Variants in RPS6KA2 observed in about 807,000 individuals in gnomAD.
RPS6KA2 encodes the protein ribosomal protein S6 kinase alpha-2.
In RPS6KA2, 42 loss-of-function variants were observed where a neutral mutation model predicts 91.8. The observed-to-expected ratio is 0.46, with a 90% CI of 0.36 to 0.59. The LOEUF is 0.59. RPS6KA2 is among the 20% of genes least tolerant of loss of function. RPS6KA2 has a pLI of 0.00. For synonymous variants in RPS6KA2, 414 were observed against 393.6 expected, an observed-to-expected ratio of 1.05 and a Z score of -0.61; for missense variants, 798 against 978.5, an observed-to-expected ratio of 0.82 and a Z score of 2.46.
At chr6:166,721,066 CA>C (rs939162175) in intron 2 of RPS6KA2, among the ~76,000 whole-genome samples, 2 of 152,224 alleles carry the variant, frequency 1.3e-5, no homozygotes, top group African/African-American at 4.8e-5. Context: ...TTCACACAAG[CA>C]AGTGCTCCAT....
chr6:166,568,955 C>CT (rs144495496), intron 1 of RPS6KA2, among the ~76,000 whole-genome samples: 4,949 of 152,146 alleles, frequency 0.033, 276 homozygotes, highest in African/African-American at 0.11. Context: ...TGAACAAGTA[C>CT]TTTTTTTTCC....
intron 2 of RPS6KA2, among the ~76,000 whole-genome samples, chr6:166,832,894 T>C (rs1780222787): frequency 6.6e-6 from 1 of 152,234 alleles, no homozygotes; most frequent in Non-Finnish European, 1.5e-5. Context: ...AAAGAGCAAA[T>C]TTTAATTATA....
chr6:166,680,449 C>T (rs543001333), intron 2 of RPS6KA2, among the ~76,000 whole-genome samples: 13 of 152,306 alleles, frequency 8.5e-5, no homozygotes, highest in East Asian at 3.9e-4. Flanking sequence ...CTCTGGTCCC[C>T]TTCCACGTTG....
rs552443291 is a variant in RPS6KA2, at chr6:166,635,194, T to G, written c.124-96410A>C. 6.6e-6 allele frequency among the ~76,000 whole-genome samples: 1 copy of G among 152,318 alleles called. No individual in the cohort carries two copies. Among genetic ancestry groups the G allele is most frequent in the South Asian group, 2.1e-4 (1 of 4,826 alleles). The stretch of plus-strand genomic sequence containing the variant: ...CCACGTACACCTTGGCATGAATGAG[T>G]TAGAGAACCACGGCAGGAGCCCAGT... On this transcript the variant is annotated intron_variant, in intron 2 of 21. Transcript: ENST00000503859. The surrounding 1 kb of genome is among the most constrained non-coding windows in gnomAD (Gnocchi z 4.8).
intron 2 of RPS6KA2, among the ~76,000 whole-genome samples, chr6:166,791,190 CA>C (rs933020915): frequency 4.0e-5 from 6 of 148,874 alleles, no homozygotes; most frequent in Admixed American, 2.0e-4. Context: ...AAATGGAAAA[CA>C]AAAAAAAAGC....
intron 5 of RPS6KA2, among the ~76,000 whole-genome samples, chr6:166,507,320 C>T (rs1782266305): frequency 6.6e-6 from 1 of 151,918 alleles, no homozygotes; most frequent in Non-Finnish European, 1.5e-5. Flanking sequence ...GCTAGGGCCA[C>T]TTGTGCAGCT....
intron 17 of RPS6KA2, among the ~76,000 whole-genome samples, chr6:166,422,791 C>T (rs561869506): frequency 1.3e-5 from 2 of 152,254 alleles, no homozygotes; most frequent in South Asian, 4.1e-4. Flanking sequence ...CTGACAGCTG[C>T]TGACTTGCTG....
At chr6:166,815,681 T>A (rs1353814769) in intron 2 of RPS6KA2, among the ~76,000 whole-genome samples, 11 of 152,118 alleles carry the variant, frequency 7.2e-5, no homozygotes, top group African/African-American at 2.2e-4. Context: ...CAGGAAATAA[T>A]GTGGCCCTGA....
At chr6:166,799,617 G>A (rs1779312209) in intron 2 of RPS6KA2, among the ~76,000 whole-genome samples, 1 of 95,950 alleles carries the variant, frequency 1.0e-5, no homozygotes, top group African/African-American at 3.4e-5. Context: ...AAAAGGATGA[G>A]AGTGGTGTGA....
rs139581278 is a variant in RPS6KA2, at chr6:166,666,680, G to T, written c.124-127896C>A. Among the ~76,000 whole-genome samples, 2 of 152,188 alleles carry T rather than the reference G, an allele frequency of 1.3e-5. No homozygotes were observed. Among genetic ancestry groups the T allele is most frequent in the Admixed American group, 1.3e-4 (2 of 15,276 alleles). On this transcript the variant is annotated intron_variant, in intron 2 of 21. Coordinates refer to the RPS6KA2 transcript ENST00000503859. This position sits in a 1 kb window ranked among gnomAD's most constrained non-coding sequence, Gnocchi z 4.0. ...TTTACTGTTGGTGGAAATGTAAAAC[G>T]GTGCAGGAGCTCTGGAAAACAGTAT...
At chr6:166,792,744 T>C (rs146181469) in intron 2 of RPS6KA2, among the ~76,000 whole-genome samples, 1 of 152,094 alleles carries the variant, frequency 6.6e-6, no homozygotes, top group Non-Finnish European at 1.5e-5. Context: ...ACAGAACCAA[T>C]GACAAAAACC....
intron 1 of RPS6KA2, among the ~76,000 whole-genome samples, chr6:166,565,333 T>C (rs561811618): frequency 1.3e-5 from 2 of 152,364 alleles, no homozygotes; most frequent in African/African-American, 4.8e-5. Flanking sequence ...CCTGAGCTTG[T>C]TCTTCTGCGG....
intron 1 of RPS6KA2, among the ~76,000 whole-genome samples, chr6:166,571,944 G>A (rs950937815): frequency 6.6e-6 from 1 of 152,068 alleles, no homozygotes; most frequent in African/African-American, 2.4e-5. Flanking sequence ...TTATAGTGAA[G>A]AACAGTGGGG....
chr6:166,412,754 C>G lies in RPS6KA2; in HGVS notation c.*8G>C. 1 of 1,590,268 alleles carries G rather than the reference C, an allele frequency of 6.3e-7. No individual in the cohort carries two copies. The highest frequency in any genetic ancestry group is 8.5e-7 in the Non-Finnish European group (1 of 1,170,572). ...TGGCAGGGGACGCTGGGGCCAGGGTCCCACCCGCTACAGCCGCGTGGACGT... is the reference window on the plus strand; with the variant it reads ...TGGCAGGGGACGCTGGGGCCAGGGTGCCACCCGCTACAGCCGCGTGGACGT... On this transcript the variant is annotated 3_prime_UTR_variant, in exon 21 of 21. Transcript: ENST00000265678. This position sits in a 1 kb window ranked among gnomAD's most constrained non-coding sequence, Gnocchi z 4.3.
rs774326213 is a variant in RPS6KA2 at position 166,771,729 on chromosome 6, G to A, written c.123+86471C>T. On this transcript the variant is annotated intron_variant, in intron 2 of 21. Transcript: ENST00000503859. ...CTCCTTTGCCCCTACTGATGACTGC[G>A]GTTCAAGTGTCAGAAGACAGAGCGT... Among the ~76,000 whole-genome samples the A allele has an allele frequency of 7.9e-5, 12 of 152,220 alleles. No individual in the cohort carries two copies. The South Asian group carries it at 8.3e-4, about 11-fold the overall frequency.
chr6:166,783,037 G>A (rs987572717), intron 2 of RPS6KA2, among the ~76,000 whole-genome samples: 3 of 148,748 alleles, frequency 2.0e-5, no homozygotes, highest in Admixed American at 6.8e-5. Flanking sequence ...TTGCTGCAGG[G>A]TATCTTTTAG....
At chr6:166,591,563 G>GA (rs1056283271) in intron 1 of RPS6KA2, among the ~76,000 whole-genome samples, 2 of 152,150 alleles carry the variant, frequency 1.3e-5, no homozygotes, top group African/African-American at 4.8e-5. Flanking sequence ...CTGGAAAGCA[G>GA]ACACACACCA....
At chr6:166,553,172 G>A (rs1449869500) in intron 1 of RPS6KA2, among the ~76,000 whole-genome samples, 3 of 152,220 alleles carry the variant, frequency 2.0e-5, no homozygotes, top group Non-Finnish European at 4.4e-5. Flanking sequence ...GGGCTGGAGT[G>A]CAGTGGTGCA....
intron 2 of RPS6KA2, among the ~76,000 whole-genome samples, chr6:166,742,271 C>T (rs545670721): frequency 1.3e-5 from 2 of 152,322 alleles, no homozygotes; most frequent in South Asian, 4.1e-4. Flanking sequence ...TGTCCACGCA[C>T]AGGAGTGAAC....
Sources: allele counts gnomAD v4.1 joint callset (sites outside exome capture counted in the v4.1 genomes callset), GRCh38; gene constraint gnomAD v4.1.1; non-coding constraint Gnocchi (gnomAD v3.1); transcripts MANE v1.5; gene names NCBI Gene and HGNC (gene_info 2026-07-23, HGNC 2026-07-21).